The following WNT3A variants were observed in gnomAD, a reference collection of about 807,000 sequenced individuals.
WNT3A encodes protein Wnt-3a.
A neutral mutation model predicts 37.0 loss-of-function variants in WNT3A; 17 were observed. That is an observed-to-expected ratio of 0.46 (90% CI 0.31 to 0.69). WNT3A has a LOEUF of 0.69. WNT3A is among the 30% of genes least tolerant of loss of function. The probability of loss-of-function intolerance (pLI) is 0.05; values close to 1 mark genes in which losing one functional copy is unlikely to be tolerated. For missense variants in WNT3A, 411 were observed against 510.2 expected, an observed-to-expected ratio of 0.81 and a Z score of 1.87; for synonymous variants, 187 against 211.0, an observed-to-expected ratio of 0.89 and a Z score of 0.99.
chr1:228,060,196 C>CA lies in WNT3A; in HGVS notation c.*731_*732insA. 7.4e-7 allele frequency: 1 copy of CA among 1,351,792 alleles called. No homozygotes were observed. 83.7% of individuals were successfully genotyped at this position (1,351,792 alleles called of 1,614,324 possible). A position where few individuals can be genotyped will look rare whatever the true frequency, so the allele number is the denominator to read the frequency against. On this transcript the variant is annotated 3_prime_UTR_variant, in exon 4 of 4. Transcript: ENST00000284523. ...CGCCCTCCTGATTAAGGCGTGGCTT[C>CA]TGCAGGAATCCCGGCTCCAGAGCAG...
rs2031233095 is a variant in WNT3A, at chr1:228,039,741, G to A, written c.314-10915G>A. Among the ~76,000 whole-genome samples, 1 of 152,180 alleles carries A rather than the reference G, an allele frequency of 6.6e-6. No homozygotes were observed. The highest frequency in any genetic ancestry group is 1.5e-5 in the Non-Finnish European group (1 of 68,026). On this transcript the variant is annotated intron_variant, in intron 2 of 3. Transcript: ENST00000284523. The surrounding 1 kb of genome is among the most constrained non-coding windows in gnomAD (Gnocchi z 4.1). ...AGTGATTCATTGGCCCCCCAGCCAT[G>A]ACCATTGTTGGAAGCCTCCAGTCCT... is the stretch of plus-strand genomic sequence containing the variant.
chr1:228,060,536 C>A lies in WNT3A; in HGVS notation c.*1071C>A, dbSNP rs751810699. 4.7e-5 allele frequency: 13 copies of A among 274,782 alleles called. No homozygotes were observed. The highest frequency in any genetic ancestry group is 9.5e-5 in the Non-Finnish European group (13 of 136,746). 17.0% of individuals were successfully genotyped at this position (274,782 alleles called of 1,614,324 possible). Reference sequence around the variant, plus strand: ...AGGACAGGGACTTCGCAGAGGCAAGCGACCGAGGCCCTCCCAAAGAGGCCC... The same window carrying A: ...AGGACAGGGACTTCGCAGAGGCAAGAGACCGAGGCCCTCCCAAAGAGGCCC... On this transcript the variant is annotated 3_prime_UTR_variant, in exon 4 of 4. Coordinates refer to ENST00000284523, the MANE Select transcript of WNT3A (RefSeq NM_033131.4).
At chr1:228,010,510 G>A (rs2030339191) in intron 1 of WNT3A, among the ~76,000 whole-genome samples, 1 of 152,216 alleles carries the variant, frequency 6.6e-6, no homozygotes. Flanking sequence ...CCAGCCACCT[G>A]GAGTTGCTGC....
chr1:228,045,086 G>A (rs2031370002), intron 2 of WNT3A, among the ~76,000 whole-genome samples: 1 of 152,224 alleles, frequency 6.6e-6, no homozygotes, highest in Non-Finnish European at 1.5e-5. Flanking sequence ...GAAGCCCTCA[G>A]CACCACCCGC....
intron 1 of WNT3A, among the ~76,000 whole-genome samples, chr1:228,012,051 G>C (rs939860609): frequency 6.6e-6 from 1 of 152,256 alleles, no homozygotes; most frequent in East Asian, 1.9e-4. Context: ...TTGTTCTAAC[G>C]ATGTTTGCTT....
chr1:228,055,158 C>CAAAAAAAA (rs34263332), intron 3 of WNT3A, among the ~76,000 whole-genome samples: 1 of 15,770 alleles, frequency 6.3e-5, no homozygotes, highest in African/African-American at 3.2e-4. Context: ...AACTCCGTCC[C>CAAAAAAAA]AAAAAAAAAA....
chr1:228,008,159 G>T lies in WNT3A; in HGVS notation c.71+960G>T, dbSNP rs1477613790. On this transcript the variant is annotated intron_variant, in intron 1 of 3. Transcript: ENST00000284523. This position sits in a 1 kb window ranked among gnomAD's most constrained non-coding sequence, Gnocchi z 4.9. Reference sequence around the variant, plus strand: ...ATCACCCCAGTTCCGAATTAAGGGCGCTCTGAGATGCCCAAGATTGAGGAA... The same window carrying T: ...ATCACCCCAGTTCCGAATTAAGGGCTCTCTGAGATGCCCAAGATTGAGGAA... Among the ~76,000 whole-genome samples, 2 of 152,170 alleles carry T rather than the reference G, an allele frequency of 1.3e-5. No individual in the cohort carries two copies. The highest frequency in any genetic ancestry group is 2.9e-5 in the Non-Finnish European group (2 of 68,024).
chr1:228,058,885 C>T, intron 3 of WNT3A, 101 bp from the exon 4 acceptor site: 1 of 1,234,728 alleles, frequency 8.1e-7, no homozygotes, highest in African/African-American at 1.5e-5. Flanking sequence ...TGCCCGGGGG[C>T]TTTATGGAGC....
At position 228,057,075 on chromosome 1, in the gene WNT3A, T is replaced by C. The variant is rs367786767; in HGVS notation, c.580-1911T>C. ...GTGTTTGGACATCTTGAAGAGAATATGTAGATAAGTAAGGGAGAATTTGAG... is the reference window on the plus strand; with the variant it reads ...GTGTTTGGACATCTTGAAGAGAATACGTAGATAAGTAAGGGAGAATTTGAG... On this transcript the variant is annotated intron_variant, in intron 3 of 3. Transcript: ENST00000284523. Among the ~76,000 whole-genome samples the C allele has an allele frequency of 2.0e-4, 31 of 152,270 alleles. 1 individual carries two copies. Among genetic ancestry groups the C allele is most frequent in the African/African-American group, 5.1e-4 (21 of 41,558 alleles).
intron 1 of WNT3A, among the ~76,000 whole-genome samples, chr1:228,015,237 C>T (rs984734925): frequency 1.3e-5 from 2 of 152,200 alleles, no homozygotes; most frequent in African/African-American, 4.8e-5. Flanking sequence ...CTGCGATCTG[C>T]TAGCCCAGCC....
intron 2 of WNT3A, among the ~76,000 whole-genome samples, chr1:228,026,368 C>A (rs922642594): frequency 6.6e-6 from 1 of 152,158 alleles, no homozygotes; most frequent in African/African-American, 2.4e-5. Context: ...AGTAGGCATC[C>A]TTCCCTCGCT....
At position 228,038,521 on chromosome 1, in the gene WNT3A, C is replaced by T. The variant is rs1214444421; in HGVS notation, c.314-12135C>T. 6.6e-6 allele frequency among the ~76,000 whole-genome samples: 1 copy of T among 152,216 alleles called. No individual in the cohort carries two copies. Among genetic ancestry groups the T allele is most frequent in the Admixed American group, 6.5e-5 (1 of 15,286 alleles). The stretch of plus-strand genomic sequence containing the variant: ...GCCACAGTGACCTGCAGGCCCCTGG[C>T]CAGTCTGGTCAGGTGGTCCTAGCTG... On this transcript the variant is annotated intron_variant, in intron 2 of 3. Coordinates refer to ENST00000284523, the MANE Select transcript of WNT3A (RefSeq NM_033131.4). This position sits in a 1 kb window ranked among gnomAD's most constrained non-coding sequence, Gnocchi z 5.7.
At chr1:228,018,923 G>A (rs538100630) in intron 1 of WNT3A, among the ~76,000 whole-genome samples, 224 of 152,328 alleles carry the variant, frequency 1.5e-3, no homozygotes, top group Non-Finnish European at 2.8e-3. Context: ...TCAACGAACT[G>A]GAGGGGCCCT....
chr1:228,033,198 GT>G (rs1173687075), intron 2 of WNT3A, among the ~76,000 whole-genome samples: 3 of 152,146 alleles, frequency 2.0e-5, no homozygotes, highest in Non-Finnish European at 4.4e-5. Context: ...CAAGTTATCA[GT>G]TTTTTATTTG....
chr1:228,050,725 G>C lies in WNT3A; in HGVS notation c.383G>C (p.Cys128Ser). 6.2e-7 allele frequency: 1 copy of C among 1,614,134 alleles called. No individual in the cohort carries two copies. The highest frequency in any genetic ancestry group is 8.5e-7 in the Non-Finnish European group (1 of 1,180,014). ...GTGGCCTTTGCAGTGACACGCTCAT[G>C]TGCAGAAGGCACGGCCGCCATCTGT... is the stretch of plus-strand genomic sequence containing the variant. ...AGVAFAVTRS[C>S]AEGTAAICGC... Residue 128 changes from cysteine to serine, a missense_variant, in exon 3 of 4, where the codon TGT (cysteine) becomes TCT (serine). Cys to Ser is a moderately radical substitution (Grantham distance 112, BLOSUM62 -1). Coordinates refer to ENST00000284523, the MANE Select transcript of WNT3A (RefSeq NM_033131.4). This position sits in a 1 kb window ranked among gnomAD's most constrained non-coding sequence, Gnocchi z 5.0.
At chr1:228,026,662 C>T (rs2030860974) in intron 2 of WNT3A, among the ~76,000 whole-genome samples, 1 of 152,046 alleles carries the variant, frequency 6.6e-6, no homozygotes, top group Non-Finnish European at 1.5e-5. Flanking sequence ...ACTCTGTATG[C>T]CTTTGTGTTC....
intron 3 of WNT3A, among the ~76,000 whole-genome samples, chr1:228,051,936 A>G (rs1257368240): frequency 1.3e-5 from 2 of 152,210 alleles, no homozygotes; most frequent in Non-Finnish European, 2.9e-5. Flanking sequence ...TCATGAGGAC[A>G]GCACAAGCCA....
At chr1:228,015,630 A>G (rs1399770458) in intron 1 of WNT3A, among the ~76,000 whole-genome samples, 2 of 152,108 alleles carry the variant, frequency 1.3e-5, no homozygotes, top group Non-Finnish European at 2.9e-5. Flanking sequence ...CAGGGCCCAG[A>G]CCTCACTGTG....
intron 2 of WNT3A, among the ~76,000 whole-genome samples, chr1:228,041,049 C>CATCT (rs1181843839): frequency 8.6e-6 from 1 of 115,978 alleles, no homozygotes; most frequent in Admixed American, 8.6e-5. Context: ...ATCTATCTAT[C>CATCT]ATCTATCTAT....
Sources: gnomAD v4.1 joint callset for allele counts (sites outside exome capture counted in the v4.1 genomes callset) on GRCh38, gnomAD v4.1.1 for gene constraint, Gnocchi (gnomAD v3.1) non-coding constraint, MANE v1.5 for transcripts, NCBI Gene and HGNC (gene_info 2026-07-23, HGNC 2026-07-21) for gene names.